RIT2: variants seen among roughly 807,000 people sequenced by gnomAD.
RIT2 encodes Ras like without CAAX 2.
Under a neutral mutation model 23.7 loss-of-function variants are expected in RIT2, and 24 were observed. That is an observed-to-expected ratio of 1.01 (90% CI 0.73 to 1.43). The LOEUF is 1.43. Ranked by LOEUF, RIT2 falls within the 40% of genes most tolerant of loss-of-function variation. RIT2 has a pLI of 0.00. For synonymous variants in RIT2, 107 were observed against 91.1 expected, an observed-to-expected ratio of 1.17 and a Z score of -0.99; for missense variants, 236 against 266.9, an observed-to-expected ratio of 0.88 and a Z score of 0.81.
chr18:43,104,928 T>C (rs1913773011), intron 1 of RIT2, among the ~76,000 whole-genome samples: 1 of 152,140 alleles, frequency 6.6e-6, no homozygotes, highest in African/African-American at 2.4e-5. Flanking sequence ...ATGGAAGACA[T>C]GTCATATTAC....
chr18:42,812,840 A>G (rs1905889475), intron 4 of RIT2, among the ~76,000 whole-genome samples: 1 of 152,208 alleles, frequency 6.6e-6, no homozygotes, highest in African/African-American at 2.4e-5. Context: ...AGCCCTTCAT[A>G]AGCTTTAATG....
chr18:42,822,450 G>A (rs2143994346), intron 4 of RIT2, among the ~76,000 whole-genome samples: 1 of 152,222 alleles, frequency 6.6e-6, no homozygotes, highest in East Asian at 1.9e-4. Flanking sequence ...TTAAAAAAGA[G>A]CTGCCCAGGT....
At chr18:42,921,697 T>C (rs1483393938) in intron 4 of RIT2, among the ~76,000 whole-genome samples, 1 of 152,146 alleles carries the variant, frequency 6.6e-6, no homozygotes, top group East Asian at 1.9e-4. Flanking sequence ...TCACTAGTTT[T>C]TCAGAGTCAC....
chr18:42,974,383 C>A (rs576205343), intron 2 of RIT2, among the ~76,000 whole-genome samples: 2 of 151,902 alleles, frequency 1.3e-5, no homozygotes, highest in Admixed American at 1.3e-4. Context: ...CGATCTGAGG[C>A]GCCCTAGTGA....
chr18:42,897,781 A>G (rs538369938), intron 4 of RIT2, among the ~76,000 whole-genome samples: 10 of 152,358 alleles, frequency 6.6e-5, no homozygotes, highest in South Asian at 4.1e-4. Context: ...AGGATTAGCA[A>G]CACTGGTCTA....
At chr18:42,877,310 T>C (rs574294966) in intron 4 of RIT2, among the ~76,000 whole-genome samples, 8 of 151,874 alleles carry the variant, frequency 5.3e-5, no homozygotes, top group African/African-American at 1.4e-4. Flanking sequence ...AGATCTTTGT[T>C]ATTTTCAGGT....
intron 4 of RIT2, among the ~76,000 whole-genome samples, chr18:42,877,568 A>T (rs1457195545): frequency 1.3e-5 from 2 of 150,702 alleles, no homozygotes; most frequent in Admixed American, 1.3e-4. Context: ...ATACATATCT[A>T]TATACAAATA....
At chr18:43,057,717 C>T (rs964015953) in intron 1 of RIT2, among the ~76,000 whole-genome samples, 15 of 151,508 alleles carry the variant, frequency 9.9e-5, no homozygotes, top group African/African-American at 3.4e-4. Flanking sequence ...CCATATTCCA[C>T]CCAGGAACAT....
intron 2 of RIT2, among the ~76,000 whole-genome samples, chr18:43,016,929 T>C (rs7239931): frequency 0.54 from 81,587 of 151,698 alleles, 25,634 homozygotes; most frequent in Non-Finnish European, 0.71. Flanking sequence ...TTAAAAGCTT[T>C]AAGCAGAATC....
At chr18:43,025,287 T>C (rs182675062) in intron 2 of RIT2, among the ~76,000 whole-genome samples, 20 of 150,016 alleles carry the variant, frequency 1.3e-4, no homozygotes, top group African/African-American at 4.9e-4. Context: ...TTGGTGAGGA[T>C]TGCAGAGCAA....
intron 2 of RIT2, among the ~76,000 whole-genome samples, chr18:43,012,607 A>G (rs781459082): frequency 3.7e-4 from 56 of 151,278 alleles, no homozygotes; most frequent in Non-Finnish European, 5.5e-4. Flanking sequence ...TTCTTTTCAT[A>G]CTCTATGCTC....
chr18:42,795,710 T>C (rs1226836501), intron 4 of RIT2, among the ~76,000 whole-genome samples: 1 of 152,244 alleles, frequency 6.6e-6, no homozygotes, highest in East Asian at 1.9e-4. Flanking sequence ...GTTGGGGCCT[T>C]GGAGAACCTT....
chr18:42,936,175 T>C (rs1487959958), intron 3 of RIT2, among the ~76,000 whole-genome samples: 1 of 151,916 alleles, frequency 6.6e-6, no homozygotes, highest in Non-Finnish European at 1.5e-5. Context: ...TTTAGGAAAT[T>C]AGCTCCAGTT....
At chr18:43,091,600 C>T (rs564965812) in intron 1 of RIT2, among the ~76,000 whole-genome samples, 62 of 152,154 alleles carry the variant, frequency 4.1e-4, no homozygotes, top group Non-Finnish European at 8.2e-4. Context: ...GGCTGATTTC[C>T]TATGAGCCAC....
intron 4 of RIT2, among the ~76,000 whole-genome samples, chr18:42,837,390 A>G (rs1390471476): frequency 6.6e-6 from 1 of 151,382 alleles, no homozygotes; most frequent in Non-Finnish European, 1.5e-5. Flanking sequence ...GATGGTCTCG[A>G]TCTCCTGACC....
At chr18:42,928,522 A>G (rs546030682) in intron 3 of RIT2, among the ~76,000 whole-genome samples, 79 of 152,208 alleles carry the variant, frequency 5.2e-4, no homozygotes, top group African/African-American at 1.7e-3. Context: ...AGACCTGCTT[A>G]CCCTTCAATA....
intron 4 of RIT2, among the ~76,000 whole-genome samples, chr18:42,863,490 C>T (rs1907385137): frequency 6.6e-6 from 1 of 152,056 alleles, no homozygotes; most frequent in African/African-American, 2.4e-5. Flanking sequence ...GAAAATTCTC[C>T]CACTACACCT....
intron 4 of RIT2, among the ~76,000 whole-genome samples, chr18:42,758,998 C>T (rs1405155816): frequency 6.6e-6 from 1 of 152,142 alleles, no homozygotes; most frequent in Non-Finnish European, 1.5e-5. Context: ...TCCTGAGCCT[C>T]CAGCTTGCAG....
chr18:42,859,806 G>A (rs1216784400), intron 4 of RIT2, among the ~76,000 whole-genome samples: 8 of 150,410 alleles, frequency 5.3e-5, no homozygotes, highest in Admixed American at 3.3e-4. Context: ...ATGTCGCCCT[G>A]TCTCCCAGGC....
Sources: allele counts gnomAD v4.1 joint callset (sites outside exome capture counted in the v4.1 genomes callset), GRCh38; gene constraint gnomAD v4.1.1; transcripts MANE v1.5; gene names NCBI Gene and HGNC (gene_info 2026-07-23, HGNC 2026-07-21).